The following PIK3C3 variants were observed in gnomAD, a reference collection of about 807,000 sequenced individuals.
The protein encoded by PIK3C3 is phosphatidylinositol 3-kinase catalytic subunit type 3.
PIK3C3 carries 95 observed loss-of-function variants against 126.1 expected under a neutral mutation model. That is an observed-to-expected ratio of 0.75 (90% CI 0.64 to 0.89). PIK3C3 has a LOEUF of 0.89. PIK3C3 is among the 40% of genes least tolerant of loss of function. The pLI, the probability that PIK3C3 is intolerant of heterozygous loss-of-function variation, is 0.00. For synonymous variants in PIK3C3, 374 were observed against 360.0 expected (o/e 1.04, Z -0.44); for missense variants, 829 against 1,063.2 (o/e 0.78, Z 3.06).
intron 2 of PIK3C3, among the ~76,000 whole-genome samples, chr18:41,960,186 T>C (rs1980008108): frequency 6.6e-6 from 1 of 152,236 alleles, no homozygotes; most frequent in Non-Finnish European, 1.5e-5. Context: ...TATCATATCA[T>C]GTCCTATTCT....
intron 24 of PIK3C3, 137 bp downstream of exon 24, chr18:42,067,650 C>A (rs1299695150): frequency 3.5e-6 from 3 of 856,022 alleles, no homozygotes; most frequent in Non-Finnish European, 5.4e-6. Context: ...TCTCACCAGC[C>A]AGCTGAAGTG....
At chr18:42,064,239 CTG>C (rs1985441672) in intron 22 of PIK3C3, among the ~76,000 whole-genome samples, 1 of 152,096 alleles carries the variant, frequency 6.6e-6, no homozygotes, top group South Asian at 2.1e-4. Flanking sequence ...AGGTCAGTCA[CTG>C]TAGTTCCTGA....
At chr18:42,004,591 C>A in intron 10 of PIK3C3, 50 bp downstream of exon 10, 1 of 1,397,716 alleles carries the variant, frequency 7.2e-7, no homozygotes, top group South Asian at 1.3e-5. Flanking sequence ...TAAACTAGAG[C>A]CTAATTATAA....
rs1983032082 is a variant in PIK3C3 at position 42,015,496 on chromosome 18, C to G, written c.1346C>G (p.Pro449Arg). 5 of 1,613,490 alleles carry G rather than the reference C, an allele frequency of 3.1e-6. No individual in the cohort carries two copies. The highest frequency in any genetic ancestry group is 4.2e-6 in the Non-Finnish European group (5 of 1,179,714). The change falls in exon 12 of 25, where the codon CCC becomes CGC. Residue 449 changes from proline (P) to arginine (R), a missense_variant. By Grantham distance (103) the Pro-to-Arg change is moderately radical. Coordinates refer to ENST00000262039, the MANE Select transcript of PIK3C3 (RefSeq NM_002647.4). ...EIDSSQIITSPLPSVSSPPPA... is the reference protein window; with the variant it reads ...EIDSSQIITSRLPSVSSPPPA... ...TTCAGCTCCCAAATTATAACCAGCC[C>G]CCTTCCTTCAGTCTCTTCACCTCCT...
chr18:42,033,693 C>T (rs1983925167), intron 15 of PIK3C3, 133 bp from the exon 16 acceptor site: 1 of 563,720 alleles, frequency 1.8e-6, no homozygotes, highest in Non-Finnish European at 3.0e-6. Flanking sequence ...ACATACAACA[C>T]CATCTCCTTT....
chr18:41,969,231 A>G (rs1306093621), intron 3 of PIK3C3, among the ~76,000 whole-genome samples: 1 of 151,996 alleles, frequency 6.6e-6, no homozygotes, highest in Non-Finnish European at 1.5e-5. Context: ...TAATTTCTAT[A>G]GTCTTTTTAT....
intron 13 of PIK3C3, among the ~76,000 whole-genome samples, chr18:42,021,216 C>T (rs112531869): frequency 2.6e-5 from 4 of 152,216 alleles, no homozygotes; most frequent in African/African-American, 9.6e-5. Flanking sequence ...TTTTCAGTTA[C>T]CTTTTCTCAT....
chr18:42,056,596 CTTATTTCTTTACCTCT>C (rs1985076875), intron 21 of PIK3C3, among the ~76,000 whole-genome samples: 1 of 152,112 alleles, frequency 6.6e-6, no homozygotes, highest in Non-Finnish European at 1.5e-5. Flanking sequence ...TTGTGAGCTT[CTTATTTCTTTACCTCT>C]TTTGGGGCAG....
intron 24 of PIK3C3, among the ~76,000 whole-genome samples, chr18:42,076,117 T>C (rs1402398478): frequency 1.5e-5 from 1 of 68,958 alleles, no homozygotes; most frequent in Non-Finnish European, 2.8e-5. Context: ...TATATATATA[T>C]ATATGCGCAT....
rs1985085718 is a variant in PIK3C3 at position 42,056,806 on chromosome 18, C to T, written c.2264-1077C>T. Among the ~76,000 whole-genome samples, 3 of 152,102 alleles carry T rather than the reference C, an allele frequency of 2.0e-5. No homozygotes were observed. The South Asian group carries it at 6.2e-4, about 32-fold the overall frequency. On this transcript the variant is annotated intron_variant, in intron 21 of 24. Transcript: ENST00000262039. ...TGGAAAACTGAAATCATAGCATACTCCCCTTGAACCTTAAGAGACTATAGG... is the reference window on the plus strand; with the variant it reads ...TGGAAAACTGAAATCATAGCATACTTCCCTTGAACCTTAAGAGACTATAGG...
rs1986287831 is a variant in PIK3C3 at position 42,082,580 on chromosome 18, TCAGA to T, written c.*1446_*1449del. On this transcript the variant is annotated 3_prime_UTR_variant, in exon 25 of 25. Transcript: ENST00000262039. ...ATGTTTATGTCTTTTTTGTTATTAG[TCAGA>T]CATTTTTAGCCCTCTGTATGCTCAT... The T allele has an allele frequency of 6.6e-6, 1 of 152,192 alleles. No homozygotes were observed. Among genetic ancestry groups the T allele is most frequent in the Non-Finnish European group, 1.5e-5 (1 of 68,038 alleles). The allele number at this position is 152,192 out of a possible 1,614,324, so 9.4% of individuals were successfully genotyped here. A position where few individuals can be genotyped will look rare whatever the true frequency, so the allele number is the denominator to read the frequency against.
rs1284786648 is a variant in PIK3C3 at position 42,083,910 on chromosome 18, T to C, written c.*2773T>C. On this transcript the variant is annotated 3_prime_UTR_variant, in exon 25 of 25. Transcript: ENST00000262039. ...TGGTAGTGATAGTACTGACCTCTAA[T>C]GTGTGCATTTGTGGGTATGTGGTCC... The C allele has an allele frequency of 2.0e-5, 3 of 152,200 alleles. No homozygotes were observed. Among genetic ancestry groups the C allele is most frequent in the Non-Finnish European group, 4.4e-5 (3 of 68,034 alleles). 9.4% of individuals were successfully genotyped at this position (152,200 alleles called of 1,614,324 possible). A position where few individuals can be genotyped will look rare whatever the true frequency, so the allele number is the denominator to read the frequency against.
At chr18:42,017,059 T>C (rs1376246705) in intron 12 of PIK3C3, among the ~76,000 whole-genome samples, 1 of 152,128 alleles carries the variant, frequency 6.6e-6, no homozygotes, top group African/African-American at 2.4e-5. Context: ...TTTTGTCAGC[T>C]GAATAGTTTT....
intron 4 of PIK3C3, among the ~76,000 whole-genome samples, chr18:41,973,263 A>G (rs184952111): frequency 8.2e-4 from 125 of 152,176 alleles, no homozygotes; most frequent in African/African-American, 2.7e-3. Context: ...GGCTTGCCTA[A>G]TGTGAATAAT....
chr18:42,034,289 A>G (rs922808205), intron 16 of PIK3C3, among the ~76,000 whole-genome samples: 1 of 152,214 alleles, frequency 6.6e-6, no homozygotes, highest in African/African-American at 2.4e-5. Flanking sequence ...CCTGGCTTCA[A>G]GCAGTCTTCC....
chr18:41,998,313 A>G (rs10502776), intron 9 of PIK3C3, among the ~76,000 whole-genome samples: 11,922 of 152,204 alleles, frequency 0.078, 899 homozygotes, highest in East Asian at 0.26. Flanking sequence ...TGTTTTATTA[A>G]AAGATTGAGT....
chr18:42,017,170 G>A (rs1983114381), intron 12 of PIK3C3, among the ~76,000 whole-genome samples: 1 of 151,964 alleles, frequency 6.6e-6, no homozygotes, highest in Non-Finnish European at 1.5e-5. Flanking sequence ...TATTGTACAA[G>A]CCATTGTCAC....
chr18:42,021,422 A>C (rs73452288), intron 13 of PIK3C3, among the ~76,000 whole-genome samples: 3 of 152,144 alleles, frequency 2.0e-5, no homozygotes, highest in Non-Finnish European at 2.9e-5. Flanking sequence ...TTAAGCCACA[A>C]TCAGAAATAT....
rs526393 is a variant in PIK3C3 at position 42,008,041 on chromosome 18, C to G, written c.1170+3500C>G. 3.5e-3 allele frequency among the ~76,000 whole-genome samples: 527 copies of G among 152,180 alleles called. 3 individuals carry two copies. Among genetic ancestry groups the G allele is most frequent in the African/African-American group, 0.012 (479 of 41,538 alleles). On this transcript the variant is annotated intron_variant, in intron 10 of 24. Transcript: ENST00000262039. ...TATTATCAAACACGCTTTTGACACT[C>G]GTTCATATCATATAGTGTCTCATTT...
Sources: allele counts gnomAD v4.1 joint callset (sites outside exome capture counted in the v4.1 genomes callset), GRCh38; gene constraint gnomAD v4.1.1; transcripts MANE v1.5; gene names NCBI Gene and HGNC (gene_info 2026-07-23, HGNC 2026-07-21).